Variants in TJP1 observed in about 807,000 individuals in gnomAD.
TJP1 encodes the protein tight junction protein 1, also known as tight junction protein ZO-1.
TJP1 carries 43 observed loss-of-function variants against 194.2 expected under a neutral mutation model. The ratio of observed to expected loss-of-function variants is 0.22; its 90% CI spans 0.17 to 0.29. The LOEUF is 0.29. Among genes scored for constraint, TJP1 ranks in the 10% least tolerant of loss-of-function variants. The pLI is 1.00. For missense variants in TJP1, 1,971 were observed against 2,185.7 expected, an observed-to-expected ratio of 0.90 and a Z score of 1.96; for synonymous variants, 801 against 779.0, an observed-to-expected ratio of 1.03 and a Z score of -0.47.
chr15:29,720,771 C>A, intron 18 of TJP1, 63 bp from the exon 19 acceptor site: 1 of 1,273,046 alleles, frequency 7.9e-7, no homozygotes, highest in South Asian at 1.5e-5. Flanking sequence ...TGGCCTTTAT[C>A]GTACAAGGCA....
At chr15:29,807,796 A>G (rs1329993974) in intron 1 of TJP1, among the ~76,000 whole-genome samples, 1 of 152,214 alleles carries the variant, frequency 6.6e-6, no homozygotes, top group Non-Finnish European at 1.5e-5. Flanking sequence ...TAAAAAAGTT[A>G]TAATGGTATA....
chr15:29,818,162 G>A (rs1157039261), intron 1 of TJP1, among the ~76,000 whole-genome samples: 5 of 152,000 alleles, frequency 3.3e-5, no homozygotes, highest in African/African-American at 1.2e-4. Context: ...TACTATTCCC[G>A]AGACTTAACA....
At chr15:29,961,109 T>C (rs4329865) in intron 1 of TJP1, among the ~76,000 whole-genome samples, 145,126 of 152,186 alleles carry the variant, frequency 0.95, 69,323 homozygotes, top group East Asian at 1. Context: ...ATACAAAGAG[T>C]CCACCAAGGA....
chr15:29,749,964 TC>T (rs1439972288), intron 8 of TJP1, among the ~76,000 whole-genome samples: 2 of 151,588 alleles, frequency 1.3e-5, no homozygotes, highest in African/African-American at 2.4e-5. Context: ...TGTCTCAGCC[TC>T]CTGAGTAGCT....
At chr15:29,752,580 G>A (rs2045360253) in intron 8 of TJP1, among the ~76,000 whole-genome samples, 1 of 151,746 alleles carries the variant, frequency 6.6e-6, no homozygotes, top group African/African-American at 2.4e-5. Context: ...CCCTCTTTTG[G>A]CCCCTCACAA....
chr15:29,790,798 C>T (rs1409430129), intron 2 of TJP1, among the ~76,000 whole-genome samples: 2 of 140,234 alleles, frequency 1.4e-5, no homozygotes, highest in Admixed American at 7.4e-5. Context: ...ATGTGGTATT[C>T]GTCTTTCTGT....
intron 11 of TJP1, 113 bp downstream of exon 11, chr15:29,737,151 A>G (rs1021398794): frequency 3.8e-6 from 5 of 1,329,670 alleles, no homozygotes; most frequent in Admixed American, 4.2e-5. Flanking sequence ...AACTGGCTCA[A>G]TGGAGACTGC....
intron 2 of TJP1, among the ~76,000 whole-genome samples, chr15:29,953,140 A>ATTTTTTTTTTTTTTTTTTTTTTT (rs71416442): frequency 9.0e-6 from 1 of 110,978 alleles, no homozygotes; most frequent in African/African-American, 3.2e-5. Flanking sequence ...AAGAAGACAG[A>ATTTTTTTTTTTTTTTTTTTTTTT]TTTTTTTTTT....
chr15:29,808,226 C>T (rs1464198816), intron 1 of TJP1, among the ~76,000 whole-genome samples: 1 of 152,138 alleles, frequency 6.6e-6, no homozygotes, highest in Non-Finnish European at 1.5e-5. Flanking sequence ...CGAGATTGCA[C>T]CACTGCACTC....
chr15:29,747,642 A>G (rs1374708437), intron 8 of TJP1, among the ~76,000 whole-genome samples: 1 of 152,214 alleles, frequency 6.6e-6, no homozygotes, highest in Admixed American at 6.5e-5. Flanking sequence ...AAAAGGTAAG[A>G]ATTCCAATTA....
intron 2 of TJP1, among the ~76,000 whole-genome samples, chr15:29,900,235 A>G (rs536856680): frequency 5.9e-5 from 9 of 152,316 alleles, no homozygotes; most frequent in African/African-American, 1.9e-4. Context: ...GGGTGGCTGG[A>G]AAGAGCTACA....
rs1468153049 is a variant in TJP1, at chr15:29,720,654, G to C, written c.2467C>G (p.Leu823Val). 1 of 1,613,286 alleles carries C rather than the reference G, an allele frequency of 6.2e-7. No individual in the cohort carries two copies. Among genetic ancestry groups the C allele is most frequent in the Admixed American group, 1.7e-5 (1 of 59,960 alleles). ...LDLHDDRLSYLSAPGSEYSMY... is the reference protein window; with the variant it reads ...LDLHDDRLSYVSAPGSEYSMY... The stretch of plus-strand genomic sequence containing the variant: ...GAGTATTCACTACCTGGAGCTGACA[G>C]GTAGGACAGACGATCATCATGCAAA... The change falls in exon 19 of 28, where the codon CTG becomes GTG. Residue 823 changes from leucine to valine, a missense_variant. Coordinates refer to ENST00000614355, the MANE Select transcript of TJP1 (RefSeq NM_001330239.4).
At chr15:29,701,723 T>C in intron 27 of TJP1, 34 bp from the exon 28 acceptor site, 1 of 1,480,660 alleles carries the variant, frequency 6.8e-7, no homozygotes, top group Non-Finnish European at 9.4e-7. Context: ...TCATTTACAG[T>C]TCAGTAAACT....
chr15:29,847,511 C>T (rs1335906807), intron 2 of TJP1, among the ~76,000 whole-genome samples: 1 of 152,132 alleles, frequency 6.6e-6, no homozygotes, highest in Admixed American at 6.5e-5. Flanking sequence ...TTGGGCTGGG[C>T]CCAGTGGCTC....
intron 2 of TJP1, among the ~76,000 whole-genome samples, chr15:29,836,850 G>C (rs2051050537): frequency 6.6e-6 from 1 of 152,144 alleles, no homozygotes; most frequent in Admixed American, 6.5e-5. Context: ...TAAGAAAACA[G>C]TCTTCCTCCC....
chr15:29,801,669 G>C (rs2048796605), intron 1 of TJP1, among the ~76,000 whole-genome samples: 1 of 151,274 alleles, frequency 6.6e-6, no homozygotes, highest in African/African-American at 2.4e-5. Flanking sequence ...CACCGTTTTA[G>C]CCGGGATGGT....
intron 2 of TJP1, among the ~76,000 whole-genome samples, chr15:29,777,293 A>C (rs1158031701): frequency 6.6e-6 from 1 of 152,206 alleles, no homozygotes; most frequent in Non-Finnish European, 1.5e-5. Context: ...TACAAAGCCC[A>C]CAGTTTTAAC....
At chr15:29,724,854 C>T (rs898525641) in intron 18 of TJP1, among the ~76,000 whole-genome samples, 2 of 152,052 alleles carry the variant, frequency 1.3e-5, no homozygotes, top group African/African-American at 4.8e-5. Flanking sequence ...AAAGTTGGAC[C>T]TTTATTTTAA....
At chr15:29,816,490 AC>A (rs773869629) in intron 1 of TJP1, among the ~76,000 whole-genome samples, 3 of 152,208 alleles carry the variant, frequency 2.0e-5, no homozygotes, top group Admixed American at 6.5e-5. Context: ...TAAAGCTTTA[AC>A]CATGATGGTC....
Sources: gnomAD v4.1 joint callset for allele counts (sites outside exome capture counted in the v4.1 genomes callset) on GRCh38, gnomAD v4.1.1 for gene constraint, MANE v1.5 for transcripts, NCBI Gene and HGNC (gene_info 2026-07-23, HGNC 2026-07-21) for gene names.